POLR3B: variants seen among roughly 807,000 people sequenced by gnomAD.
POLR3B encodes the protein RNA polymerase III subunit B, also known as DNA-directed RNA polymerase III subunit RPC2.
Under a neutral mutation model 147.4 loss-of-function variants are expected in POLR3B, and 96 were observed. That is an observed-to-expected ratio of 0.65 (90% CI 0.55 to 0.77). POLR3B has a LOEUF of 0.77. Ranked by LOEUF, POLR3B falls within the 30% of genes least tolerant of loss-of-function variation. The pLI, the probability that POLR3B is intolerant of heterozygous loss-of-function variation, is 0.00. For missense variants in POLR3B, 1,036 were observed against 1,413.5 expected, an observed-to-expected ratio of 0.73 and a Z score of 4.28; for synonymous variants, 461 against 485.9, an observed-to-expected ratio of 0.95 and a Z score of 0.67.
chr12:106,357,752 C>T lies in POLR3B; in HGVS notation c.-128C>T, dbSNP rs1245749894. 1 of 950,336 alleles carries T rather than the reference C, an allele frequency of 1.1e-6. No homozygotes were observed. The highest frequency in any genetic ancestry group is 1.7e-6 in the Non-Finnish European group (1 of 605,734). The allele number at this position is 950,336 out of a possible 1,614,324, so 58.9% of individuals were successfully genotyped here. A position where few individuals can be genotyped will look rare whatever the true frequency, so the allele number is the denominator to read the frequency against. ...CGGGCGGAACCTTTCTACCGCGTCT[C>T]TAGCTAACACGCACGGCGGGGACAG... On this transcript the variant is annotated 5_prime_UTR_variant, in exon 1 of 28. Coordinates refer to ENST00000228347, the MANE Select transcript of POLR3B (RefSeq NM_018082.6).
intron 9 of POLR3B, among the ~76,000 whole-genome samples, chr12:106,392,603 A>G (rs1490168141): frequency 6.6e-6 from 1 of 152,228 alleles, no homozygotes; most frequent in Non-Finnish European, 1.5e-5. Context: ...CAGTTCTCAG[A>G]AAAATTAATT....
At chr12:106,393,748 A>G (rs1050996039) in intron 10 of POLR3B, among the ~76,000 whole-genome samples, 2 of 147,062 alleles carry the variant, frequency 1.4e-5, no homozygotes, top group Admixed American at 6.9e-5. Context: ...GGCAAGACTC[A>G]AAGATGAAGA....
chr12:106,360,794 C>G (rs192094291), intron 1 of POLR3B, among the ~76,000 whole-genome samples: 1 of 152,182 alleles, frequency 6.6e-6, no homozygotes, highest in Non-Finnish European at 1.5e-5. Flanking sequence ...AGGGTTTATA[C>G]AAGTTCAAAA....
chr12:106,436,192 T>C (rs2037573733), intron 16 of POLR3B, among the ~76,000 whole-genome samples: 1 of 152,212 alleles, frequency 6.6e-6, no homozygotes, highest in African/African-American at 2.4e-5. Flanking sequence ...AGTCCTCAAA[T>C]AGTTATTTGG....
In POLR3B at chr12:106,379,372, G is replaced by A. The variant is rs1447628657; in HGVS notation, c.615-659G>A. The stretch of plus-strand genomic sequence containing the variant: ...ATGTGCAGTTAGTTAGCTTCTCTAA[G>A]CCTTGGTTTCCTCATAAGTGATTTT... On this transcript the variant is annotated intron_variant, in intron 8 of 27. Coordinates refer to ENST00000228347, the MANE Select transcript of POLR3B (RefSeq NM_018082.6). 3.3e-5 allele frequency among the ~76,000 whole-genome samples: 5 copies of A among 152,322 alleles called. No individual in the cohort carries two copies. The East Asian group carries it at 9.6e-4, about 29-fold the overall frequency.
At chr12:106,428,169 G>A (rs1008616407) in intron 13 of POLR3B, among the ~76,000 whole-genome samples, 8 of 152,230 alleles carry the variant, frequency 5.3e-5, no homozygotes, top group African/African-American at 1.7e-4. Flanking sequence ...AACTCTAGTG[G>A]CCCAAAGTCG....
At chr12:106,403,923 GCA>G (rs1473708392) in intron 10 of POLR3B, among the ~76,000 whole-genome samples, 3 of 151,568 alleles carry the variant, frequency 2.0e-5, no homozygotes, top group Non-Finnish European at 2.9e-5. Flanking sequence ...TAACAAACCT[GCA>G]CATTGTGCAC....
intron 10 of POLR3B, among the ~76,000 whole-genome samples, chr12:106,401,283 G>C (rs1304279197): frequency 1.3e-5 from 2 of 152,180 alleles, no homozygotes; most frequent in African/African-American, 2.4e-5. Flanking sequence ...GGAAAAAGTT[G>C]AATCTCTGAA....
intron 9 of POLR3B, among the ~76,000 whole-genome samples, chr12:106,384,825 A>C (rs2036812686): frequency 6.6e-6 from 1 of 151,232 alleles, no homozygotes. Context: ...ATATATATTA[A>C]ATGTCTTTTT....
At chr12:106,384,788 T>C (rs2036812220) in intron 9 of POLR3B, among the ~76,000 whole-genome samples, 1 of 152,120 alleles carries the variant, frequency 6.6e-6, no homozygotes, top group South Asian at 2.1e-4. Flanking sequence ...TATAGTGCTG[T>C]TGGCTAACTT....
At chr12:106,487,823 T>C (rs2038360538) in intron 23 of POLR3B, among the ~76,000 whole-genome samples, 1 of 152,182 alleles carries the variant, frequency 6.6e-6, no homozygotes, top group South Asian at 2.1e-4. Flanking sequence ...ACAGAGCTCA[T>C]GGAGAAGACT....
intron 23 of POLR3B, among the ~76,000 whole-genome samples, chr12:106,479,556 A>AT (rs923544501): frequency 7.2e-4 from 108 of 149,400 alleles, no homozygotes; most frequent in African/African-American, 2.5e-3. Flanking sequence ...AATTTTTTGT[A>AT]TTTTTTTTAG....
At position 106,479,080 on chromosome 12, in the gene POLR3B, T is replaced by C. The variant is rs537041694; in HGVS notation, c.2713+15460T>C. On this transcript the variant is annotated intron_variant, in intron 23 of 27. Coordinates refer to ENST00000228347, the MANE Select transcript of POLR3B (RefSeq NM_018082.6). The stretch of plus-strand genomic sequence containing the variant: ...GAAATTTCATAGGCTCTTCTTTCAT[T>C]CCTTGTGCTGGGCAATTGGACACCG... Among the ~76,000 whole-genome samples, 22 of 152,282 alleles carry C rather than the reference T, an allele frequency of 1.4e-4. 2 individuals are homozygous for C. The South Asian group carries it at 4.6e-3, about 32-fold the overall frequency.
chr12:106,438,562 A>G (rs889666543), intron 18 of POLR3B, among the ~76,000 whole-genome samples: 5 of 151,848 alleles, frequency 3.3e-5, no homozygotes, highest in Non-Finnish European at 5.9e-5. Context: ...GTGGCACAAC[A>G]TAGCTCAGTG....
chr12:106,509,404 C>G lies in POLR3B; in HGVS notation c.3273-16C>G. On this transcript the variant is annotated splice_polypyrimidine_tract_variant and intron_variant, in intron 27 of 27. Coordinates refer to ENST00000228347, the MANE Select transcript of POLR3B (RefSeq NM_018082.6). The stretch of plus-strand genomic sequence containing the variant: ...CGAGTTGCTGTCTGTCTAACGCTTG[C>G]TGACTTGCGTTTCAGGTGCCATTAC... The G allele has an allele frequency of 6.2e-7, 1 of 1,613,250 alleles. No individual in the cohort carries two copies. The highest frequency in any genetic ancestry group is 8.5e-7 in the Non-Finnish European group (1 of 1,179,360).
chr12:106,494,002 G>A (rs762666498), intron 23 of POLR3B, among the ~76,000 whole-genome samples: 2 of 152,126 alleles, frequency 1.3e-5, no homozygotes, highest in South Asian at 2.1e-4. Flanking sequence ...AAAAAAATCC[G>A]AAAGCTGCTT....
chr12:106,384,282 A>G (rs916689040), intron 9 of POLR3B, among the ~76,000 whole-genome samples: 1 of 152,250 alleles, frequency 6.6e-6, no homozygotes, highest in Non-Finnish European at 1.5e-5. Context: ...TGTAAATACT[A>G]TACACATTCA....
At chr12:106,393,375 G>C (rs1565882226) in intron 10 of POLR3B, among the ~76,000 whole-genome samples, 1 of 151,976 alleles carries the variant, frequency 6.6e-6, no homozygotes, top group Non-Finnish European at 1.5e-5. Flanking sequence ...CTTAGAATAG[G>C]GGATATATGG....
chr12:106,406,636 T>A (rs548850137), intron 11 of POLR3B, among the ~76,000 whole-genome samples: 1 of 152,354 alleles, frequency 6.6e-6, no homozygotes, highest in Non-Finnish European at 1.5e-5. Context: ...TGATTTGCGT[T>A]GTCACCCAGC....
Sources: gnomAD v4.1 joint callset for allele counts (sites outside exome capture counted in the v4.1 genomes callset) on GRCh38, gnomAD v4.1.1 for gene constraint, MANE v1.5 for transcripts, NCBI Gene and HGNC (gene_info 2026-07-23, HGNC 2026-07-21) for gene names.